Variants in PHF14 observed in about 807,000 individuals in gnomAD.
The protein encoded by PHF14 is PHD finger protein 14.
Under a neutral mutation model 117.9 loss-of-function variants are expected in PHF14, and 55 were observed. The ratio of observed to expected loss-of-function variants is 0.47; its 90% confidence interval spans 0.38 to 0.58. PHF14 has a LOEUF of 0.58. PHF14 is among the 20% of genes least tolerant of loss of function. The probability of loss-of-function intolerance (pLI) is 0.00; values close to 1 mark genes in which losing one functional copy is unlikely to be tolerated. For synonymous variants in PHF14, 409 were observed against 368.6 expected (o/e 1.11, Z -1.26); for missense variants, 978 against 1,122.2 (o/e 0.87, Z 1.84).
chr7:10,999,109 A>C (rs1782766742), intron 4 of PHF14, among the ~76,000 whole-genome samples: 1 of 152,150 alleles, frequency 6.6e-6, no homozygotes, highest in Non-Finnish European at 1.5e-5. Flanking sequence ...TCCTGGGCTC[A>C]AACAATCTTC....
intron 16 of PHF14, among the ~76,000 whole-genome samples, chr7:11,100,082 G>T (rs761438687): frequency 7.9e-5 from 12 of 151,924 alleles, no homozygotes; most frequent in African/African-American, 1.4e-4. Context: ...TATTGTTTTT[G>T]ATTTTTCTTT....
intron 10 of PHF14, 88 bp from the exon 11 acceptor site, chr7:11,038,670 ATT>A: frequency 2.8e-6 from 1 of 359,624 alleles, no homozygotes; most frequent in Non-Finnish European, 4.7e-6. Flanking sequence ...AAAAAAAAAA[ATT>A]ATATATATAT....
chr7:11,024,394 A>G (rs1424765592), intron 6 of PHF14, among the ~76,000 whole-genome samples: 1 of 152,228 alleles, frequency 6.6e-6, no homozygotes, highest in East Asian at 1.9e-4. Context: ...GAAGATTTGT[A>G]CATTCAACAA....
At chr7:11,104,534 A>G in intron 16 of PHF14, 1 of 981,698 alleles carries the variant, frequency 1.0e-6, no homozygotes, top group Non-Finnish European at 1.2e-6. Context: ...TAAGAAAAAA[A>G]TGGCACATCA....
intron 13 of PHF14, among the ~76,000 whole-genome samples, chr7:11,044,458 G>A (rs1784603259): frequency 6.6e-6 from 1 of 152,246 alleles, no homozygotes; most frequent in South Asian, 2.1e-4. Flanking sequence ...AGTTAATGTT[G>A]TAGCACAGTG....
chr7:10,980,728 C>A (rs1257039091), intron 2 of PHF14, among the ~76,000 whole-genome samples: 2 of 152,088 alleles, frequency 1.3e-5, no homozygotes, highest in East Asian at 3.9e-4. Flanking sequence ...AGGATTTATA[C>A]TTTTCTCCGC....
chr7:11,159,860 C>G (rs992079698), intron 17 of PHF14, among the ~76,000 whole-genome samples: 2 of 151,938 alleles, frequency 1.3e-5, no homozygotes, highest in African/African-American at 4.8e-5. Context: ...ATTCAAAATG[C>G]AAATAAAAAG....
At chr7:11,113,433 T>C (rs1293897496) in intron 17 of PHF14, among the ~76,000 whole-genome samples, 1 of 152,172 alleles carries the variant, frequency 6.6e-6, no homozygotes, top group Non-Finnish European at 1.5e-5. Context: ...AAACTTGCTT[T>C]ATATTTGCTG....
At chr7:10,985,065 GTTTA>G (rs1296105128) in intron 3 of PHF14, among the ~76,000 whole-genome samples, 1 of 151,986 alleles carries the variant, frequency 6.6e-6, no homozygotes, top group Non-Finnish European at 1.5e-5. Flanking sequence ...GATGATTTTA[GTTTA>G]TTTAAATTAT....
chr7:11,152,133 A>T (rs10499382), intron 17 of PHF14, among the ~76,000 whole-genome samples: 16,163 of 152,220 alleles, frequency 0.11, 1,152 homozygotes, highest in African/African-American at 0.2. Flanking sequence ...TAGACTTAGG[A>T]CCTTTTAAGA....
At chr7:11,120,835 T>C (rs1787729998) in intron 17 of PHF14, among the ~76,000 whole-genome samples, 2 of 152,126 alleles carry the variant, frequency 1.3e-5, no homozygotes, top group South Asian at 4.1e-4. Flanking sequence ...AGCCACTGAC[T>C]CTGCCTGGTA....
intron 3 of PHF14, among the ~76,000 whole-genome samples, chr7:10,985,286 T>C (rs1432031567): frequency 6.6e-6 from 1 of 152,162 alleles, no homozygotes; most frequent in African/African-American, 2.4e-5. Context: ...CATAGTTAAG[T>C]ATATATTTGA....
chr7:11,089,758 ATTCT>A (rs1296600574), intron 16 of PHF14, among the ~76,000 whole-genome samples: 5 of 119,854 alleles, frequency 4.2e-5, no homozygotes, highest in South Asian at 5.4e-4. Flanking sequence ...TTGTTCATGC[ATTCT>A]TTTTTTTTTT....
intron 12 of PHF14, among the ~76,000 whole-genome samples, 179 bp from the exon 13 acceptor site, chr7:11,042,483 TAACATTCTCAAAAGTATTTAG>T (rs1784532531): frequency 6.6e-6 from 1 of 151,990 alleles, no homozygotes; most frequent in South Asian, 2.1e-4. Flanking sequence ...AAGCTATTTT[TAACATTCTCAAAAGTATTTAG>T]AACTAACAGT....
chr7:10,988,622 A>G (rs1393153428), intron 3 of PHF14, among the ~76,000 whole-genome samples: 1 of 148,634 alleles, frequency 6.7e-6, no homozygotes, highest in Non-Finnish European at 1.5e-5. Context: ...TTAAAGTAGT[A>G]GTGCTCATTG....
intron 6 of PHF14, 80 bp downstream of exon 6, chr7:11,023,059 G>A (rs901249521): frequency 3.1e-6 from 2 of 653,206 alleles, no homozygotes; most frequent in Middle Eastern, 2.5e-4. Flanking sequence ...TTTGTATTAT[G>A]TTGACTGCAG....
intron 14 of PHF14, among the ~76,000 whole-genome samples, chr7:11,058,967 G>A (rs1255214701): frequency 6.6e-6 from 1 of 151,968 alleles, no homozygotes; most frequent in East Asian, 1.9e-4. Flanking sequence ...AATTGTTTAT[G>A]TGTCTTGTGT....
Position 10,982,542 on chromosome 7 carries a change from CAATT to C in PHF14, c.290_293del (p.Ile97LysfsTer103). 1.3e-6 allele frequency: 2 copies of C among 1,505,948 alleles called. No homozygotes were observed. The highest frequency in any genetic ancestry group is 1.2e-5 in the South Asian group (1 of 81,520). The allele number at this position is 1,505,948 out of a possible 1,614,324, so 93.3% of individuals were successfully genotyped here. On this transcript the variant is annotated frameshift_variant, in exon 3 of 18. Transcript: ENST00000634607. LOFTEE classifies it high-confidence loss of function. ...GGAAGAAGTACTATCATCAGAAAAACAATTAATTAAAATGGAAAAGAAGGAAGAA... is the reference window on the plus strand; with the variant it reads ...GGAAGAAGTACTATCATCAGAAAAACAATTAAAATGGAAAAGAAGGAAGAA...
chr7:11,098,924 T>C (rs1786980168), intron 16 of PHF14, among the ~76,000 whole-genome samples: 1 of 152,186 alleles, frequency 6.6e-6, no homozygotes, highest in African/African-American at 2.4e-5. Flanking sequence ...TGATGCTTCA[T>C]TGTATGTCAC....
Sources: gnomAD v4.1 joint callset for allele counts (sites outside exome capture counted in the v4.1 genomes callset) on GRCh38, gnomAD v4.1.1 for gene constraint, MANE v1.5 for transcripts, NCBI Gene and HGNC (gene_info 2026-07-23, HGNC 2026-07-21) for gene names.